Variants in AUTS2 observed in about 807,000 individuals in gnomAD.
AUTS2 encodes activator of transcription and developmental regulator AUTS2.
Under a neutral mutation model 112.4 loss-of-function variants are expected in AUTS2, and 17 were observed. That is an observed-to-expected ratio of 0.15 (90% CI 0.10 to 0.23). AUTS2 has a LOEUF of 0.23. Among genes scored for constraint, AUTS2 ranks in the 10% least tolerant of loss-of-function variants. The pLI is 1.00. For missense variants in AUTS2, 1,510 were observed against 1,701.6 expected (o/e 0.89, Z 1.98); for synonymous variants, 751 against 702.7 (o/e 1.07, Z -1.09).
chr7:70,452,544 A>T (rs1796577951), intron 5 of AUTS2, among the ~76,000 whole-genome samples: 1 of 152,116 alleles, frequency 6.6e-6, no homozygotes. Flanking sequence ...CTGGTCCCCC[A>T]CCATTGACCG....
chr7:69,639,335 CAA>C (rs1189587210), intron 1 of AUTS2, among the ~76,000 whole-genome samples: 1 of 152,108 alleles, frequency 6.6e-6, no homozygotes, highest in Non-Finnish European at 1.5e-5. Flanking sequence ...GGTTATAACT[CAA>C]GAGAAAGGGG....
intron 4 of AUTS2, among the ~76,000 whole-genome samples, chr7:70,346,909 A>G (rs1791521806): frequency 6.6e-6 from 1 of 152,182 alleles, no homozygotes; most frequent in South Asian, 2.1e-4. Context: ...ACAGTAGCCC[A>G]AGAAGACCAC....
chr7:69,649,702 T>TA (rs1393308304), intron 1 of AUTS2, among the ~76,000 whole-genome samples: 40 of 146,368 alleles, frequency 2.7e-4, no homozygotes, highest in East Asian at 6.0e-4. Context: ...ATACAAACAT[T>TA]AAAAAAAAAA....
intron 5 of AUTS2, among the ~76,000 whole-genome samples, chr7:70,550,500 T>C (rs2080648153): frequency 6.6e-6 from 1 of 152,198 alleles, no homozygotes; most frequent in African/African-American, 2.4e-5. Context: ...CCCCATTTGC[T>C]GCAGAAAGAA....
intron 4 of AUTS2, among the ~76,000 whole-genome samples, chr7:70,276,092 T>C (rs1414429304): frequency 1.3e-5 from 2 of 152,232 alleles, no homozygotes; most frequent in Non-Finnish European, 2.9e-5. Flanking sequence ...ATAATGTTTT[T>C]GAATGTTACA....
chr7:70,779,585 C>T, intron 14 of AUTS2, among the ~76,000 whole-genome samples: 1 of 152,184 alleles, frequency 6.6e-6, no homozygotes, highest in East Asian at 1.9e-4. Flanking sequence ...TTCCCTGTCT[C>T]AGATCCTCAC....
intron 1 of AUTS2, among the ~76,000 whole-genome samples, chr7:69,866,146 C>G (rs547363898): frequency 6.6e-6 from 1 of 152,262 alleles, no homozygotes; most frequent in East Asian, 1.9e-4. Flanking sequence ...TCTTTTGCTC[C>G]CAAGCCTGCC....
chr7:70,538,094 A>T (rs1033820231), intron 5 of AUTS2, among the ~76,000 whole-genome samples: 13 of 152,240 alleles, frequency 8.5e-5, no homozygotes, highest in African/African-American at 2.6e-4. Context: ...AAAACTAGCC[A>T]GGTGTGATGG....
intron 2 of AUTS2, among the ~76,000 whole-genome samples, chr7:70,064,347 C>T (rs761494125): frequency 4.6e-5 from 7 of 152,166 alleles, no homozygotes; most frequent in Non-Finnish European, 1.0e-4. Flanking sequence ...AAAAGCCCAG[C>T]TCACCCCAGC....
chr7:70,011,001 T>G (rs1324117312), intron 2 of AUTS2, among the ~76,000 whole-genome samples: 1 of 152,186 alleles, frequency 6.6e-6, no homozygotes, highest in Non-Finnish European at 1.5e-5. Context: ...CTTGATTTGG[T>G]CATCAGGCAT....
chr7:70,382,180 A>C (rs1793397242), intron 4 of AUTS2, among the ~76,000 whole-genome samples: 1 of 152,182 alleles, frequency 6.6e-6, no homozygotes, highest in South Asian at 2.1e-4. Flanking sequence ...CCCCAGCCTG[A>C]AGATCGTCAT....
chr7:69,931,112 T>TACACACACAC (rs58190258), intron 2 of AUTS2, among the ~76,000 whole-genome samples: 18 of 148,886 alleles, frequency 1.2e-4, no homozygotes, highest in African/African-American at 4.2e-4. Flanking sequence ...ATTTTGGATT[T>TACACACACAC]ACACACACAC....
At chr7:69,817,512 C>A (rs151020024) in intron 1 of AUTS2, among the ~76,000 whole-genome samples, 1 of 152,174 alleles carries the variant, frequency 6.6e-6, no homozygotes, top group African/African-American at 2.4e-5. Context: ...GAGGACTGTT[C>A]AAGACAAAAT....
intron 14 of AUTS2, 95 bp downstream of exon 14, chr7:70,777,269 C>A (rs141563472): frequency 2.7e-6 from 3 of 1,096,778 alleles, no homozygotes; most frequent in Non-Finnish European, 4.2e-6. Context: ...ATTTAAAACA[C>A]ATTTTACAGA....
intron 3 of AUTS2, among the ~76,000 whole-genome samples, chr7:70,129,562 A>C (rs545209679): frequency 8.5e-5 from 13 of 152,326 alleles, no homozygotes; most frequent in South Asian, 8.3e-4. Flanking sequence ...AAACAGGGGG[A>C]CATTGCTCAA....
chr7:70,293,402 A>C (rs1788793725), intron 4 of AUTS2: 1 of 152,126 alleles, frequency 6.6e-6, no homozygotes, highest in Non-Finnish European at 1.5e-5. Flanking sequence ...TCATCTGAAA[A>C]CAAGCTGTCC....
intron 1 of AUTS2, among the ~76,000 whole-genome samples, chr7:69,665,920 AC>A (rs1796012486): frequency 6.6e-6 from 1 of 152,160 alleles, no homozygotes; most frequent in Admixed American, 6.5e-5. Context: ...AAATGCGCAT[AC>A]CTGGACCATA....
chr7:69,792,614 ATATAC>A (rs1030673461), intron 1 of AUTS2, among the ~76,000 whole-genome samples: 45 of 152,158 alleles, frequency 3.0e-4, no homozygotes, highest in Admixed American at 2.9e-3. Context: ...CTCTGTGCAC[ATATAC>A]TGCCTCTCAC....
chr7:70,031,170 G>A (rs537834719), intron 2 of AUTS2, among the ~76,000 whole-genome samples: 1 of 152,258 alleles, frequency 6.6e-6, no homozygotes, highest in South Asian at 2.1e-4. Context: ...GGGCATTTGT[G>A]AGGGCCTTCC....
Sources: allele counts gnomAD v4.1 joint callset (sites outside exome capture counted in the v4.1 genomes callset), GRCh38; gene constraint gnomAD v4.1.1; transcripts MANE v1.5; gene names NCBI Gene and HGNC (gene_info 2026-07-23, HGNC 2026-07-21).